Variants in LHCGR observed in about 807,000 individuals in gnomAD.
LHCGR encodes lutropin-choriogonadotropic hormone receptor.
LHCGR carries 55 observed loss-of-function variants against 60.7 expected under a neutral mutation model. The observed-to-expected ratio is 0.91, with a 90% CI of 0.73 to 1.13. The LOEUF (loss-of-function observed/expected upper bound fraction) is 1.13. LHCGR is among the 50% of genes most tolerant of loss of function. The pLI is 0.00. For synonymous variants in LHCGR, 337 were observed against 316.5 expected, an observed-to-expected ratio of 1.06 and a Z score of -0.69; for missense variants, 862 against 836.0, an observed-to-expected ratio of 1.03 and a Z score of -0.38.
At position 48,698,764 on chromosome 2, in the gene LHCGR, GC is replaced by G; in HGVS notation, c.716del (p.Ser239ThrfsTer4). 6.2e-7 allele frequency: 1 copy of G among 1,614,028 alleles called. No homozygotes were observed. Among genetic ancestry groups the G allele is most frequent in the Non-Finnish European group, 8.5e-7 (1 of 1,179,864 alleles). ...GCCTCTGAATGGACTCTAGGCCATA[GC>G]TCGGCAGGGCCTGCAATTTGGTGGA... ...ISSTKLQALP[S>X]YGLESIQRLI... On this transcript the variant is annotated frameshift_variant, in exon 9 of 11. Transcript: ENST00000294954. LOFTEE classifies it high-confidence loss of function.
chr2:48,730,907 G>A (rs1668957959), intron 2 of LHCGR, among the ~76,000 whole-genome samples: 1 of 151,994 alleles, frequency 6.6e-6, no homozygotes, highest in African/African-American at 2.4e-5. Flanking sequence ...GTGACACAAG[G>A]GAATAGCTGC....
In LHCGR at chr2:48,698,807, A is replaced by G. The variant is rs1667252136; in HGVS notation, c.681-7T>C. 6.2e-7 allele frequency: 1 copy of G among 1,608,530 alleles called. No individual in the cohort carries two copies. Among genetic ancestry groups the G allele is most frequent in the South Asian group, 1.1e-5 (1 of 90,890 alleles). On this transcript the variant is annotated splice_polypyrimidine_tract_variant and splice_region_variant and intron_variant, in intron 8 of 10. Coordinates refer to ENST00000294954, the MANE Select transcript of LHCGR (RefSeq NM_000233.4). The stretch of plus-strand genomic sequence containing the variant: ...TTTGGTGGAAGAAATATCCCTGAAC[A>G]ATAAAGGGGAGAAATGCTTTTTATT...
At chr2:48,723,585 G>A (rs765626135) in intron 5 of LHCGR, 37 bp downstream of exon 5, 34 of 1,605,028 alleles carry the variant, frequency 2.1e-5, no homozygotes, top group Non-Finnish European at 2.7e-5. Flanking sequence ...GCTGCAAATA[G>A]GAAACTGTTA....
chr2:48,735,537 C>A (rs1437001985), intron 1 of LHCGR, among the ~76,000 whole-genome samples: 1 of 152,208 alleles, frequency 6.6e-6, no homozygotes, highest in Non-Finnish European at 1.5e-5. Flanking sequence ...CCTTAGGGAA[C>A]ACTGCTGCCC....
chr2:48,698,559 G>T, intron 9 of LHCGR, 56 bp downstream of exon 9: 1 of 1,469,026 alleles, frequency 6.8e-7, no homozygotes. Flanking sequence ...TGACTATTTT[G>T]AAATCTGAAT....
chr2:48,722,032 C>T (rs1192313926), intron 6 of LHCGR, among the ~76,000 whole-genome samples: 3 of 152,190 alleles, frequency 2.0e-5, no homozygotes, highest in Non-Finnish European at 4.4e-5. Context: ...CGCCTGTAGT[C>T]CCAGCTACTC....
chr2:48,746,539 C>A (rs1669713075), intron 1 of LHCGR, among the ~76,000 whole-genome samples: 1 of 152,188 alleles, frequency 6.6e-6, no homozygotes, highest in Admixed American at 6.5e-5. Flanking sequence ...TTGGAAAATG[C>A]AATTTGAGTG....
chr2:48,729,853 C>T (rs1021600245), intron 2 of LHCGR, among the ~76,000 whole-genome samples: 3 of 152,190 alleles, frequency 2.0e-5, no homozygotes, highest in Non-Finnish European at 4.4e-5. Flanking sequence ...ATTCTATTCA[C>T]TTCTGAATCC....
intron 1 of LHCGR, among the ~76,000 whole-genome samples, chr2:48,732,582 C>G (rs147268189): frequency 1.6e-3 from 242 of 152,212 alleles, no homozygotes; most frequent in East Asian, 6.8e-3. Flanking sequence ...GTAACCTGAA[C>G]AAGGTTACAA....
intron 1 of LHCGR, among the ~76,000 whole-genome samples, chr2:48,739,187 A>G (rs1386032857): frequency 6.6e-6 from 1 of 152,234 alleles, no homozygotes; most frequent in African/African-American, 2.4e-5. Flanking sequence ...GATGTGGAGA[A>G]ATAGGAACAC....
intron 8 of LHCGR, among the ~76,000 whole-genome samples, chr2:48,699,775 C>G (rs927807841): frequency 6.6e-6 from 1 of 152,230 alleles, no homozygotes; most frequent in Non-Finnish European, 1.5e-5. Flanking sequence ...GTGAAAAGCT[C>G]AGGCTTTGTC....
At chr2:48,741,414 A>G (rs371449566) in intron 1 of LHCGR, among the ~76,000 whole-genome samples, 1 of 151,320 alleles carries the variant, frequency 6.6e-6, no homozygotes, top group Non-Finnish European at 1.5e-5. Flanking sequence ...TTGAAATGAA[A>G]GAAAAAATGT....
At chr2:48,708,901 G>T in intron 8 of LHCGR, 47 bp downstream of exon 8, 1 of 1,437,314 alleles carries the variant, frequency 7.0e-7, no homozygotes, top group Non-Finnish European at 9.8e-7. Context: ...AAGCAGTCCT[G>T]TTGGGGTACA....
intron 10 of LHCGR, among the ~76,000 whole-genome samples, chr2:48,691,875 G>T (rs1666864958): frequency 6.7e-6 from 1 of 150,248 alleles, no homozygotes; most frequent in Admixed American, 6.6e-5. Flanking sequence ...GGGTTTTAAA[G>T]GCCATCTGAT....
chr2:48,735,508 T>C (rs1669173116), intron 1 of LHCGR, among the ~76,000 whole-genome samples: 1 of 152,222 alleles, frequency 6.6e-6, no homozygotes, highest in Non-Finnish European at 1.5e-5. Context: ...CACCAGATCC[T>C]GATCCCTGTA....
At chr2:48,696,095 T>C (rs994419275) in intron 9 of LHCGR, among the ~76,000 whole-genome samples, 6 of 152,190 alleles carry the variant, frequency 3.9e-5, no homozygotes, top group Non-Finnish European at 5.9e-5. Context: ...CAAATGCCCC[T>C]GATTGTCTCT....
At chr2:48,736,264 T>C (rs1237737957) in intron 1 of LHCGR, among the ~76,000 whole-genome samples, 1 of 152,174 alleles carries the variant, frequency 6.6e-6, no homozygotes, top group Non-Finnish European at 1.5e-5. Context: ...ATCCAGTGAC[T>C]GGACAATGTA....
intron 7 of LHCGR, among the ~76,000 whole-genome samples, chr2:48,711,744 C>T (rs1175310892): frequency 1.3e-5 from 2 of 152,148 alleles, no homozygotes; most frequent in Admixed American, 1.3e-4. Flanking sequence ...TTATTTTTCC[C>T]CCTGTTCAGG....
intron 3 of LHCGR, among the ~76,000 whole-genome samples, chr2:48,728,371 C>T (rs1668841023): frequency 6.6e-6 from 1 of 152,140 alleles, no homozygotes; most frequent in African/African-American, 2.4e-5. Flanking sequence ...GATGCTAATA[C>T]TTTTCCCCTT....
Sources: allele counts gnomAD v4.1 joint callset (sites outside exome capture counted in the v4.1 genomes callset), GRCh38; gene constraint gnomAD v4.1.1; transcripts MANE v1.5; gene names NCBI Gene and HGNC (gene_info 2026-07-23, HGNC 2026-07-21).